Variants in NSF observed in about 807,000 individuals in gnomAD.
NSF encodes N-ethylmaleimide sensitive factor, vesicle fusing ATPase, also known as vesicle-fusing ATPase.
Under a neutral mutation model 50.3 loss-of-function variants are expected in NSF, and 14 were observed. The ratio of observed to expected loss-of-function variants is 0.28; its 90% CI spans 0.18 to 0.44. NSF has a LOEUF of 0.44. Among genes scored for constraint, NSF ranks in the 20% least tolerant of loss-of-function variants. The pLI is 1.00. For missense variants in NSF, 218 were observed against 504.3 expected, an observed-to-expected ratio of 0.43 and a Z score of 5.44; for synonymous variants, 109 against 175.7, an observed-to-expected ratio of 0.62 and a Z score of 3.00.
intron 13 of NSF, among the ~76,000 whole-genome samples, chr17:46,710,194 A>G (rs2058705242): frequency 2.0e-5 from 3 of 152,166 alleles, no homozygotes; most frequent in Non-Finnish European, 4.4e-5. Context: ...GTAGTAGGTT[A>G]TGTTTTCCTA....
intron 19 of NSF, among the ~76,000 whole-genome samples, chr17:46,751,953 CAGTG>C (rs1161187416): frequency 1.4e-4 from 21 of 152,184 alleles, no homozygotes; most frequent in African/African-American, 5.1e-4. Context: ...CACAGGCTGT[CAGTG>C]AATTATCCAA....
intron 16 of NSF, 136 bp downstream of exon 16, chr17:46,726,751 T>A (rs2058893548): frequency 6.3e-6 from 5 of 794,386 alleles, no homozygotes; most frequent in Non-Finnish European, 1.1e-5. Context: ...CAAGGAAATA[T>A]AATGTTCTCT....
At chr17:46,744,320 G>A (rs1007187034) in intron 17 of NSF, among the ~76,000 whole-genome samples, 5 of 152,146 alleles carry the variant, frequency 3.3e-5, no homozygotes, top group African/African-American at 1.2e-4. Flanking sequence ...TTAATATTCT[G>A]AAATATTTCA....
intron 17 of NSF, among the ~76,000 whole-genome samples, chr17:46,732,170 A>G (rs373044602): frequency 3.3e-4 from 50 of 152,350 alleles, no homozygotes; most frequent in African/African-American, 1.2e-3. Context: ...AGGAGGAACT[A>G]TACTTATATA....
At chr17:46,709,781 C>T (rs2058700542) in intron 13 of NSF, among the ~76,000 whole-genome samples, 1 of 152,136 alleles carries the variant, frequency 6.6e-6, no homozygotes, top group Admixed American at 6.5e-5. Context: ...AGGCTTGAGT[C>T]ACTGCGCCCG....
chr17:46,601,405 CTT>C (rs746590783), intron 1 of NSF, among the ~76,000 whole-genome samples: 6 of 41,640 alleles, frequency 1.4e-4, no homozygotes, highest in East Asian at 4.2e-4. Context: ...TATAATTACC[CTT>C]TTTTTTTTTT....
chr17:46,741,703 C>T (rs1042827098), intron 17 of NSF, among the ~76,000 whole-genome samples: 3 of 152,142 alleles, frequency 2.0e-5, no homozygotes, highest in Non-Finnish European at 2.9e-5. Context: ...TAATGGTAGT[C>T]GATCTTTTCC....
At chr17:46,750,317 C>T (rs2059169794) in intron 18 of NSF, among the ~76,000 whole-genome samples, 1 of 152,208 alleles carries the variant, frequency 6.6e-6, no homozygotes, top group African/African-American at 2.4e-5. Flanking sequence ...TGTGCCACTG[C>T]ACTCCAGTCT....
At chr17:46,746,117 C>T (rs2059125017) in intron 17 of NSF, among the ~76,000 whole-genome samples, 1 of 152,208 alleles carries the variant, frequency 6.6e-6, no homozygotes, top group Non-Finnish European at 1.5e-5. Context: ...TATTTTGCAT[C>T]TGTCTTTCTG....
At chr17:46,610,114 TC>T (rs1398724646) in intron 1 of NSF, among the ~76,000 whole-genome samples, 8 of 122,868 alleles carry the variant, frequency 6.5e-5, no homozygotes, top group African/African-American at 2.4e-4. Context: ...TCTCTCTCTC[TC>T]TCTCTCTCTC....
At chr17:46,708,133 GAGTAATGCTGT>G (rs1568038240) in intron 13 of NSF, among the ~76,000 whole-genome samples, 1 of 151,800 alleles carries the variant, frequency 6.6e-6, no homozygotes. Flanking sequence ...TGGCTATTTT[GAGTAATGCTGT>G]CATTAGCATG....
At chr17:46,612,532 A>T (rs2058025495) in intron 1 of NSF, among the ~76,000 whole-genome samples, 1 of 934 alleles carries the variant, frequency 1.1e-3, no homozygotes, top group East Asian at 0.029. Flanking sequence ...CATACAATGA[A>T]ATCTTATCCA....
chr17:46,750,238 A>T (rs918283994), intron 18 of NSF, among the ~76,000 whole-genome samples: 15 of 152,200 alleles, frequency 9.9e-5, no homozygotes, highest in Non-Finnish European at 1.9e-4. Context: ...CTGTAGTTCC[A>T]GCTACTCAGG....
intron 15 of NSF, among the ~76,000 whole-genome samples, chr17:46,725,980 C>T (rs1471081946): frequency 1.3e-5 from 2 of 152,202 alleles, no homozygotes; most frequent in Non-Finnish European, 2.9e-5. Context: ...ATTTCATTCT[C>T]ATTTTCTTGA....
chr17:46,706,753 AT>A (rs1273662642), intron 13 of NSF, among the ~76,000 whole-genome samples: 16 of 136,280 alleles, frequency 1.2e-4, no homozygotes, highest in Non-Finnish European at 2.3e-4. Context: ...TTAAAAAAAC[AT>A]TTCCCAGTGG....
Position 46,755,978 on chromosome 17 carries a change from C to A in NSF, c.*155C>A. The A allele has an allele frequency of 1.5e-6, 1 of 669,964 alleles. No homozygotes were observed. Among genetic ancestry groups the A allele is most frequent in the Non-Finnish European group, 2.5e-6 (1 of 402,740 alleles). The allele number at this position is 669,964 out of a possible 1,614,324, so 41.5% of individuals were successfully genotyped here. ...TGCATGATTAGTGCAATAAAACTCC[C>A]TTCCTTATGCATACTGAGATAGCTT... On this transcript the variant is annotated 3_prime_UTR_variant, in exon 21 of 21. Transcript: ENST00000398238.
At chr17:46,666,157 A>G (rs1465191286) in intron 8 of NSF, among the ~76,000 whole-genome samples, 1 of 146,238 alleles carries the variant, frequency 6.8e-6, no homozygotes, top group Non-Finnish European at 1.5e-5. Flanking sequence ...AAATAAATAT[A>G]CTTATGATAG....
At chr17:46,738,825 G>C (rs2059036215) in intron 17 of NSF, among the ~76,000 whole-genome samples, 1 of 152,278 alleles carries the variant, frequency 6.6e-6, no homozygotes, top group South Asian at 2.1e-4. Context: ...ACTGTGGTTG[G>C]GCGCAGTGGC....
intron 15 of NSF, 41 bp downstream of exon 15, chr17:46,714,027 A>T: frequency 6.3e-7 from 1 of 1,580,188 alleles, no homozygotes; most frequent in Non-Finnish European, 8.6e-7. Context: ...CTATCTCTTA[A>T]ATGTGTGTGT....
Sources: gnomAD v4.1 joint callset for allele counts (sites outside exome capture counted in the v4.1 genomes callset) on GRCh38, gnomAD v4.1.1 for gene constraint, MANE v1.5 for transcripts, NCBI Gene and HGNC (gene_info 2026-07-23, HGNC 2026-07-21) for gene names.